Variants in PRELID2 observed in about 807,000 individuals in gnomAD.
The protein encoded by PRELID2 is PRELI domain containing 2.
A neutral mutation model predicts 28.4 loss-of-function variants in PRELID2; 25 were observed. The observed-to-expected ratio is 0.88, with a 90% CI of 0.64 to 1.23. The LOEUF is 1.23. Ranked by LOEUF, PRELID2 falls within the 50% of genes most tolerant of loss-of-function variation. PRELID2 has a pLI of 0.00. For missense variants in PRELID2, 201 were observed against 214.4 expected (o/e 0.94, Z 0.39); for synonymous variants, 76 against 71.6 (o/e 1.06, Z -0.31).
At chr5:145,258,928 G>T in the PRELID2 span, among the ~76,000 whole-genome samples, 1 of 152,064 alleles carries the variant, frequency 6.6e-6, no homozygotes, top group Non-Finnish European at 1.5e-5. Context: ...CTTGTACCAG[G>T]CCCAGGGCCC....
At chr5:145,605,349 A>G (rs1009595244) in intron 1 of PRELID2, among the ~76,000 whole-genome samples, 4 of 152,048 alleles carry the variant, frequency 2.6e-5, no homozygotes, top group African/African-American at 7.2e-5. Context: ...TAATTTTTGT[A>G]TACGGTGTAA....
the PRELID2 span, among the ~76,000 whole-genome samples, chr5:145,276,053 T>A: frequency 1.1e-4 from 16 of 152,242 alleles, no homozygotes; most frequent in African/African-American, 3.8e-4. Flanking sequence ...AAAATCTGCA[T>A]AGCACATGAA....
chr5:145,522,449 CAG>C (rs1419892064), intron 1 of PRELID2, among the ~76,000 whole-genome samples: 5 of 151,574 alleles, frequency 3.3e-5, no homozygotes, highest in Non-Finnish European at 7.4e-5. Flanking sequence ...GACAGAGAGA[CAG>C]AGAGAGAGAA....
intron 1 of PRELID2, among the ~76,000 whole-genome samples, chr5:145,833,287 G>A (rs545027449): frequency 8.5e-5 from 13 of 152,234 alleles, no homozygotes; most frequent in African/African-American, 3.1e-4. Flanking sequence ...CACTGCAGAC[G>A]GTCAGCAACG....
intron 1 of PRELID2, among the ~76,000 whole-genome samples, chr5:145,716,435 G>T (rs1755845734): frequency 6.6e-6 from 1 of 152,158 alleles, no homozygotes; most frequent in African/African-American, 2.4e-5. Flanking sequence ...TTGTTTTGGG[G>T]TGGGTGCTCA....
chr5:145,295,268 T>C, the PRELID2 span, among the ~76,000 whole-genome samples: 1 of 152,170 alleles, frequency 6.6e-6, no homozygotes, highest in South Asian at 2.1e-4. Flanking sequence ...TATTTTGGAA[T>C]TATTTTGTTA....
At chr5:145,245,614 A>G in the PRELID2 span, among the ~76,000 whole-genome samples, 1 of 152,108 alleles carries the variant, frequency 6.6e-6, no homozygotes, top group Non-Finnish European at 1.5e-5. Flanking sequence ...GGTCCTGATT[A>G]GATTCTTCTC....
intron 1 of PRELID2, among the ~76,000 whole-genome samples, chr5:145,578,295 T>C (rs1300125335): frequency 6.6e-6 from 1 of 152,098 alleles, no homozygotes; most frequent in Non-Finnish European, 1.5e-5. Flanking sequence ...ACACATGTGC[T>C]CCCCAACATA....
the PRELID2 span, among the ~76,000 whole-genome samples, chr5:145,453,372 G>A: frequency 1.3e-5 from 2 of 152,156 alleles, no homozygotes; most frequent in African/African-American, 2.4e-5. Context: ...GTTTTCAAGT[G>A]CATTAGAGCA....
At chr5:145,315,210 C>T in the PRELID2 span, among the ~76,000 whole-genome samples, 1 of 151,880 alleles carries the variant, frequency 6.6e-6, no homozygotes, top group South Asian at 2.1e-4. Flanking sequence ...GCTGGGACTA[C>T]AGGCACGTGC....
At chr5:145,246,888 G>A in the PRELID2 span, among the ~76,000 whole-genome samples, 2 of 152,090 alleles carry the variant, frequency 1.3e-5, no homozygotes, top group African/African-American at 4.8e-5. Flanking sequence ...AATTGATAAT[G>A]GCCCTTTCCG....
chr5:145,794,595 A>C (rs1443583466), intron 5 of PRELID2, among the ~76,000 whole-genome samples: 1 of 152,146 alleles, frequency 6.6e-6, no homozygotes, highest in African/African-American at 2.4e-5. Context: ...CACAGTGCCT[A>C]GTGCAAAGCA....
the PRELID2 span, among the ~76,000 whole-genome samples, chr5:145,402,484 A>T: frequency 6.6e-6 from 1 of 152,212 alleles, no homozygotes; most frequent in South Asian, 2.1e-4. Flanking sequence ...TTTGAATCAG[A>T]TCCAGGAAAA....
At chr5:145,500,014 T>C (rs1205505346) in intron 1 of PRELID2, among the ~76,000 whole-genome samples, 1 of 152,196 alleles carries the variant, frequency 6.6e-6, no homozygotes, top group African/African-American at 2.4e-5. Context: ...CTCCTGGTGC[T>C]TTCCAGTGTG....
intron 1 of PRELID2, among the ~76,000 whole-genome samples, chr5:145,654,872 C>T (rs550133156): frequency 1.8e-4 from 27 of 152,198 alleles, no homozygotes; most frequent in Admixed American, 5.2e-4. Context: ...CACTCCTATT[C>T]AACATAGTGT....
At chr5:145,297,647 G>T in the PRELID2 span, among the ~76,000 whole-genome samples, 6 of 151,588 alleles carry the variant, frequency 4.0e-5, no homozygotes, top group Non-Finnish European at 8.8e-5. Flanking sequence ...GGAAATAAAG[G>T]GTATTCAATT....
chr5:145,398,846 G>A, the PRELID2 span, among the ~76,000 whole-genome samples: 1 of 152,076 alleles, frequency 6.6e-6, no homozygotes, highest in East Asian at 1.9e-4. Context: ...TAGAAGGAAG[G>A]AAGGAAGTCT....
the PRELID2 span, among the ~76,000 whole-genome samples, chr5:145,357,667 TC>T: frequency 6.6e-6 from 1 of 152,190 alleles, no homozygotes; most frequent in Non-Finnish European, 1.5e-5. Flanking sequence ...TTTCTTAGAT[TC>T]CTTGGATGGG....
At chr5:145,702,070 T>C (rs1055348326) in intron 1 of PRELID2, among the ~76,000 whole-genome samples, 1 of 151,868 alleles carries the variant, frequency 6.6e-6, no homozygotes, top group African/African-American at 2.4e-5. Context: ...AAAATATATA[T>C]ATACACACAC....
Sources: gnomAD v4.1 joint callset for allele counts (sites outside exome capture counted in the v4.1 genomes callset) on GRCh38, gnomAD v4.1.1 for gene constraint, MANE v1.5 for transcripts, NCBI Gene and HGNC (gene_info 2026-07-23, HGNC 2026-07-21) for gene names.